Variants in ERO1A observed in about 807,000 individuals in gnomAD.
ERO1A encodes the protein endoplasmic reticulum oxidoreductase 1 alpha, also known as ERO1-like protein alpha.
In ERO1A, 49 loss-of-function variants were observed where a neutral mutation model predicts 76.9. That is an observed-to-expected ratio of 0.64 (90% CI 0.51 to 0.81). The LOEUF is 0.81. Among genes scored for constraint, ERO1A ranks in the 30% least tolerant of loss-of-function variants. ERO1A has a pLI of 0.00. For missense variants in ERO1A, 448 were observed against 542.1 expected (o/e 0.83, Z 1.72); for synonymous variants, 174 against 181.2 (o/e 0.96, Z 0.32).
chr14:52,681,555 A>T lies in ERO1A; in HGVS notation c.318+770T>A, dbSNP rs377201200. Among the ~76,000 whole-genome samples the T allele has an allele frequency of 3.0e-4, 45 of 152,280 alleles. No homozygotes were observed. The South Asian group carries it at 8.9e-3, about 30-fold the overall frequency. On this transcript the variant is annotated intron_variant, in intron 3 of 15. Transcript: ENST00000395686. ...GAGGCGGAGGTTGCAGTGACCTGAG[A>T]TCATGCCACTGCACTCCAGCCTGGG...
chr14:52,652,163 TCTA>T, intron 13 of ERO1A, 73 bp downstream of exon 13: 2 of 922,878 alleles, frequency 2.2e-6, no homozygotes, highest in South Asian at 3.0e-5. Flanking sequence ...ACTCTCTACT[TCTA>T]TGAGTACTAT....
chr14:52,646,230 T>C lies in ERO1A; in HGVS notation c.1270A>G (p.Met424Val), dbSNP rs2039649038. ...TCATAACTAGGTCCACTTTCTGGCATATTTGCTATCAATTTCTCAGAAAAT... is the reference window on the plus strand; with the variant it reads ...TCATAACTAGGTCCACTTTCTGGCACATTTGCTATCAATTTCTCAGAAAAT... ...ILFSEKLIAN[M>V]PESGPSYEFH... The change falls in exon 15 of 16, where the codon ATG (methionine) becomes GTG (valine). Residue 424 changes from methionine (M) to valine (V), a missense_variant. Transcript: ENST00000395686. 6.2e-7 allele frequency: 1 copy of C among 1,613,868 alleles called. No individual in the cohort carries two copies.
chr14:52,669,510 CT>C (rs2040526041), intron 6 of ERO1A, among the ~76,000 whole-genome samples: 1 of 152,146 alleles, frequency 6.6e-6, no homozygotes, highest in African/African-American at 2.4e-5. Flanking sequence ...GTCTATACCC[CT>C]CATCCAACAT....
chr14:52,646,516 GTAT>G, intron 13 of ERO1A, 55 bp from the exon 14 acceptor site: 1 of 1,399,284 alleles, frequency 7.1e-7, no homozygotes, highest in South Asian at 1.2e-5. Flanking sequence ...CAATTAGTAA[GTAT>G]TTTCTGAGCA....
At chr14:52,695,220 C>G in intron 1 of ERO1A, 148 bp downstream of exon 1, 1 of 535,132 alleles carries the variant, frequency 1.9e-6, no homozygotes, top group Non-Finnish European at 2.9e-6. Flanking sequence ...GACTCAGTCC[C>G]GGCCACCGGG....
intron 13 of ERO1A, among the ~76,000 whole-genome samples, chr14:52,650,988 AG>A (rs2039843284): frequency 1.3e-5 from 2 of 151,744 alleles, no homozygotes; most frequent in South Asian, 4.2e-4. Context: ...GATGAACGGC[AG>A]GGGGTGCAAT....
In ERO1A at chr14:52,695,431, C is replaced by T; in HGVS notation, c.51G>A (p.Leu17=). The change falls in exon 1 of 16, where the codon CTG becomes CTA. Residue 17 remains leucine (L), a synonymous_variant. Transcript: ENST00000395686. ...GCTCCTCTCCGTGGCCCGAGCTGAGCAGCCACACGGCGCCCAGGAGGCCAA... is the reference window on the plus strand; with the variant it reads ...GCTCCTCTCCGTGGCCCGAGCTGAGTAGCCACACGGCGCCCAGGAGGCCAA... ...FLFGLLGAVW[L]LSSGHGEEQP... is the part of the protein sequence containing the mutation. The T allele has an allele frequency of 6.4e-7, 1 of 1,554,176 alleles. No homozygotes were observed. The highest frequency in any genetic ancestry group is 8.7e-7 in the Non-Finnish European group (1 of 1,150,330).
chr14:52,643,967 G>C (rs1344396109), intron 15 of ERO1A, among the ~76,000 whole-genome samples: 1 of 151,864 alleles, frequency 6.6e-6, no homozygotes, highest in African/African-American at 2.4e-5. Flanking sequence ...GGGAGACCTG[G>C]TCTCTACAAA....
chr14:52,671,580 T>C, intron 6 of ERO1A, 50 bp downstream of exon 6: 1 of 1,367,144 alleles, frequency 7.3e-7, no homozygotes, highest in Non-Finnish European at 1.0e-6. Context: ...AAACTTTTTT[T>C]TTCTTAGGTA....
Position 52,663,847 on chromosome 14 carries a change from C to A in ERO1A, c.630G>T (p.Lys210Asn). 1.3e-6 allele frequency: 2 copies of A among 1,538,506 alleles called. No homozygotes were observed. Among genetic ancestry groups the A allele is most frequent in the South Asian group, 1.2e-5 (1 of 86,796 alleles). ...TTAAAGGTCTTTTAATTGTCTGTGG[C>A]CTAGAAGTAAAAAGAATTAAAAATA... is the stretch of plus-strand genomic sequence containing the variant. ...WNVIYEENCF[K>N]PQTIKRPLNP... is the part of the protein sequence containing the mutation. Residue 210 changes from lysine (K) to asparagine (N), a missense_variant and splice_region_variant, in exon 8 of 16, where the codon AAG (lysine) becomes AAT (asparagine). Transcript: ENST00000395686.
At chr14:52,680,092 A>C (rs2040942033) in intron 3 of ERO1A, among the ~76,000 whole-genome samples, 2 of 151,648 alleles carry the variant, frequency 1.3e-5, no homozygotes, top group Non-Finnish European at 2.9e-5. Context: ...CAAAAAAAAA[A>C]AAAAAAAAAA....
At chr14:52,695,000 C>A (rs979408596) in intron 1 of ERO1A, among the ~76,000 whole-genome samples, 5 of 152,178 alleles carry the variant, frequency 3.3e-5, no homozygotes, top group Non-Finnish European at 5.9e-5. Flanking sequence ...AGTTCCTGGT[C>A]AAGAGAGAAG....
chr14:52,649,698 A>T (rs1295344207), intron 13 of ERO1A, among the ~76,000 whole-genome samples: 1 of 152,172 alleles, frequency 6.6e-6, no homozygotes, highest in Non-Finnish European at 1.5e-5. Context: ...AAGAAGTCTT[A>T]TTACAGCATC....
At chr14:52,645,488 G>C (rs2039618475) in intron 15 of ERO1A, among the ~76,000 whole-genome samples, 1 of 151,332 alleles carries the variant, frequency 6.6e-6, no homozygotes, top group South Asian at 2.1e-4. Flanking sequence ...GATTTTAGTA[G>C]AGTTGGCCAG....
intron 7 of ERO1A, among the ~76,000 whole-genome samples, chr14:52,665,730 C>T (rs1360041105): frequency 1.3e-5 from 2 of 152,162 alleles, no homozygotes; most frequent in Non-Finnish European, 2.9e-5. Context: ...TGCCTCCAGC[C>T]TAATGGTTAC....
chr14:52,680,084 A>C (rs2040940984), intron 3 of ERO1A, among the ~76,000 whole-genome samples: 1 of 2,510 alleles, frequency 4.0e-4, no homozygotes, highest in Admixed American at 4.0e-3. Flanking sequence ...AACACAAACA[A>C]AAAAAAAAAA....
Position 52,695,468 on chromosome 14 carries a change from C to T in ERO1A, c.14G>A (p.Trp5Ter). Residue 5 changes from tryptophan to a stop codon, truncating the protein, a stop_gained, in exon 1 of 16, where the codon TGG becomes TAG. Transcript: ENST00000395686. LOFTEE classifies it high-confidence loss of function. ...GCCCAGGAGGCCAAACAAGAATCCC[C>T]AGCCGCGGCCCATTGCAGCTCCGGC... MGRG[W>*]GFLFGLLGAV... 6.5e-7 allele frequency: 1 copy of T among 1,530,156 alleles called. No individual in the cohort carries two copies. The highest frequency in any genetic ancestry group is 8.8e-7 in the Non-Finnish European group (1 of 1,137,182). The allele number at this position is 1,530,156 out of a possible 1,614,324, so 94.8% of individuals were successfully genotyped here.
chr14:52,649,379 A>G (rs2039776094), intron 13 of ERO1A, among the ~76,000 whole-genome samples: 1 of 152,238 alleles, frequency 6.6e-6, no homozygotes, highest in South Asian at 2.1e-4. Flanking sequence ...ATTAATTTGT[A>G]AATATGACTG....
intron 15 of ERO1A, among the ~76,000 whole-genome samples, chr14:52,645,906 C>T (rs1594817724): frequency 1.3e-5 from 2 of 151,758 alleles, no homozygotes; most frequent in Non-Finnish European, 2.9e-5. Context: ...CGTGGTGTCA[C>T]GCACCTGTAA....
Sources: allele counts gnomAD v4.1 joint callset (sites outside exome capture counted in the v4.1 genomes callset), GRCh38; gene constraint gnomAD v4.1.1; transcripts MANE v1.5; gene names NCBI Gene and HGNC (gene_info 2026-07-23, HGNC 2026-07-21).